The following AK5 variants were observed in gnomAD, a reference collection of about 807,000 sequenced individuals.
AK5 encodes adenylate kinase 5, also known as adenylate kinase isoenzyme 5.
AK5 carries 27 observed loss-of-function variants against 69.5 expected under a neutral mutation model. The observed-to-expected ratio is 0.39, with a 90% confidence interval of 0.29 to 0.54. AK5 has a LOEUF of 0.54. AK5 is among the 20% of genes least tolerant of loss of function. AK5 has a pLI of 0.71. For missense variants in AK5, 531 were observed against 700.4 expected (o/e 0.76, Z 2.73); for synonymous variants, 260 against 244.4 (o/e 1.06, Z -0.60).
chr1:77,318,266 G>C (rs143094797), intron 5 of AK5, among the ~76,000 whole-genome samples: 117 of 152,208 alleles, frequency 7.7e-4, no homozygotes, highest in African/African-American at 2.8e-3. Flanking sequence ...AAGAAAGAGA[G>C]GCGGGGAGAT....
chr1:77,537,662 A>G (rs1659044179), intron 13 of AK5, among the ~76,000 whole-genome samples: 1 of 152,208 alleles, frequency 6.6e-6, no homozygotes, highest in Non-Finnish European at 1.5e-5. Flanking sequence ...ATAAATAACA[A>G]ACTTGTCTCT....
intron 10 of AK5, among the ~76,000 whole-genome samples, chr1:77,492,986 C>A (rs1426933484): frequency 6.6e-6 from 1 of 152,148 alleles, no homozygotes; most frequent in Non-Finnish European, 1.5e-5. Flanking sequence ...CTAAGAAAAC[C>A]CAGACTGGAT....
chr1:77,297,080 T>C (rs1046952884), intron 3 of AK5, among the ~76,000 whole-genome samples: 3 of 152,178 alleles, frequency 2.0e-5, no homozygotes, highest in African/African-American at 7.2e-5. Flanking sequence ...TCAAAAAAGA[T>C]TTAAATAAGC....
intron 10 of AK5, among the ~76,000 whole-genome samples, chr1:77,495,692 C>G (rs897927575): frequency 2.0e-5 from 3 of 152,084 alleles, no homozygotes; most frequent in African/African-American, 7.2e-5. Flanking sequence ...AGTGTTTGAG[C>G]GTGTGATGCT....
intron 10 of AK5, among the ~76,000 whole-genome samples, chr1:77,503,902 A>C (rs1656873726): frequency 6.6e-6 from 1 of 151,942 alleles, no homozygotes; most frequent in African/African-American, 2.4e-5. Flanking sequence ...ACTGTCTCAA[A>C]AAAAAAAGAA....
At chr1:77,333,420 A>C (rs1661189455) in intron 5 of AK5, among the ~76,000 whole-genome samples, 1 of 152,116 alleles carries the variant, frequency 6.6e-6, no homozygotes, top group African/African-American at 2.4e-5. Flanking sequence ...ATCTAATGTA[A>C]TTACTTATAT....
chr1:77,437,350 A>G (rs1273321936), intron 8 of AK5, among the ~76,000 whole-genome samples: 2 of 152,152 alleles, frequency 1.3e-5, no homozygotes, highest in African/African-American at 4.8e-5. Context: ...GAATACATCG[A>G]AGCAGATTCT....
intron 10 of AK5, among the ~76,000 whole-genome samples, chr1:77,503,015 G>A (rs922165602): frequency 1.3e-5 from 2 of 152,194 alleles, no homozygotes; most frequent in Admixed American, 1.3e-4. Flanking sequence ...TTTCTATTGG[G>A]CATCTGTTGT....
At chr1:77,531,268 AC>A (rs1456194644) in intron 12 of AK5, among the ~76,000 whole-genome samples, 1 of 152,134 alleles carries the variant, frequency 6.6e-6, no homozygotes, top group Non-Finnish European at 1.5e-5. Context: ...AGCAAGATTT[AC>A]CGCAAAGAGC....
chr1:77,470,826 AATAT>A (rs71075744), intron 8 of AK5, among the ~76,000 whole-genome samples: 27 of 51,162 alleles, frequency 5.3e-4, no homozygotes, highest in African/African-American at 2.1e-3. Context: ...GCACATTTAG[AATAT>A]ATATATATAT....
intron 8 of AK5, among the ~76,000 whole-genome samples, chr1:77,470,857 ATATATATATATATATATATT>A (rs1204039580): frequency 0.01 from 20 of 2,000 alleles, no homozygotes; most frequent in East Asian, 0.029. Flanking sequence ...ATATATATAT[ATATATATATATATATATATT>A]TTTTTTTTTT....
chr1:77,403,766 A>T (rs1019418852), intron 6 of AK5, among the ~76,000 whole-genome samples: 2 of 152,058 alleles, frequency 1.3e-5, no homozygotes, highest in Non-Finnish European at 2.9e-5. Context: ...CTTAGGATTG[A>T]CTTGGCAATG....
intron 2 of AK5, among the ~76,000 whole-genome samples, chr1:77,287,710 C>G (rs1034604781): frequency 4.6e-5 from 7 of 152,154 alleles, no homozygotes; most frequent in African/African-American, 2.4e-5. Context: ...CCAGCGCAGC[C>G]ACGTGGTGGA....
At chr1:77,285,014 G>A (rs4949788) in intron 1 of AK5, among the ~76,000 whole-genome samples, 22,576 of 152,122 alleles carry the variant, frequency 0.15, 1,823 homozygotes, top group Middle Eastern at 0.22. Flanking sequence ...CTCATATCAC[G>A]TTTCTGCAAC....
At chr1:77,424,134 A>G (rs1405896699) in intron 8 of AK5, among the ~76,000 whole-genome samples, 2 of 152,226 alleles carry the variant, frequency 1.3e-5, no homozygotes, top group Non-Finnish European at 2.9e-5. Context: ...CCTTTTATTC[A>G]GTATATCAGG....
intron 13 of AK5, among the ~76,000 whole-genome samples, chr1:77,543,809 G>A (rs1013241106): frequency 1.3e-4 from 20 of 152,150 alleles, no homozygotes; most frequent in African/African-American, 4.6e-4. Context: ...GATTCCATGC[G>A]AGGTAAGAGC....
intron 6 of AK5, among the ~76,000 whole-genome samples, chr1:77,383,123 AT>A (rs1179391095): frequency 6.6e-6 from 1 of 152,210 alleles, no homozygotes; most frequent in Non-Finnish European, 1.5e-5. Flanking sequence ...ATTTGAATAG[AT>A]TGCTTTAAAA....
At chr1:77,368,316 A>G (rs1442747766) in intron 6 of AK5, among the ~76,000 whole-genome samples, 1 of 125,138 alleles carries the variant, frequency 8.0e-6, no homozygotes, top group Non-Finnish European at 1.6e-5. Flanking sequence ...TATATGTTAT[A>G]TATAATATAT....
At chr1:77,546,077 G>A (rs1307619908) in intron 13 of AK5, among the ~76,000 whole-genome samples, 1 of 152,050 alleles carries the variant, frequency 6.6e-6, no homozygotes, top group Non-Finnish European at 1.5e-5. Flanking sequence ...TTGATTCGAT[G>A]CAATACTGTT....
Sources: gnomAD v4.1 joint callset for allele counts (sites outside exome capture counted in the v4.1 genomes callset) on GRCh38, gnomAD v4.1.1 for gene constraint, MANE v1.5 for transcripts, NCBI Gene and HGNC (gene_info 2026-07-23, HGNC 2026-07-21) for gene names.